Variants in OR4D1 observed in about 807,000 individuals in gnomAD.
OR4D1 encodes olfactory receptor family 4 subfamily D member 1, also known as olfactory receptor 4D1.
OR4D1 carries 10 observed loss-of-function variants against 14.2 expected under a neutral mutation model. That is an observed-to-expected ratio of 0.71 (90% CI 0.44 to 1.20). The LOEUF is 1.20. Ranked by LOEUF, OR4D1 falls within the 50% of genes most tolerant of loss-of-function variation. The probability of loss-of-function intolerance (pLI) is 0.00; values close to 1 mark genes in which losing one functional copy is unlikely to be tolerated. For missense variants in OR4D1, 345 were observed against 376.6 expected (o/e 0.92, Z 0.70); for synonymous variants, 141 against 147.4 (o/e 0.96, Z 0.32).
rs1239876897 is a variant in OR4D1 at position 58,156,031 on chromosome 17, A to G, written c.878A>G (p.Asp293Gly). The G allele has an allele frequency of 6.2e-7, 1 of 1,613,996 alleles. No individual in the cohort carries two copies. Among genetic ancestry groups the G allele is most frequent in the South Asian group, 1.1e-5 (1 of 91,064 alleles). ...ATGATCTACACCCTGAGAAACCAGGACATGAAAGCAGCCATGAGGAGATTA... is the reference window on the plus strand; with the variant it reads ...ATGATCTACACCCTGAGAAACCAGGGCATGAAAGCAGCCATGAGGAGATTA... ...NPMIYTLRNQ[D>G]MKAAMRRLGK... The change falls in exon 4 of 4, where the codon GAC becomes GGC. Residue 293 changes from aspartate (D) to glycine (G), a missense_variant. Physicochemically the swap from Asp to Gly is moderately conservative, Grantham distance 94. Coordinates refer to ENST00000268912, the MANE Select transcript of OR4D1 (RefSeq NM_001386095.1).
Position 58,156,269 on chromosome 17 carries a change from T to TC in OR4D1, c.*183_*184insC. The TC allele has an allele frequency of 1.8e-6, 1 of 544,040 alleles. No homozygotes were observed. 33.7% of individuals were successfully genotyped at this position (544,040 alleles called of 1,614,324 possible). On this transcript the variant is annotated 3_prime_UTR_variant, in exon 4 of 4. Coordinates refer to ENST00000268912, the MANE Select transcript of OR4D1 (RefSeq NM_001386095.1). ...CGCTTTTTTTCTTTTTTTTTTTTTT[T>TC]AGATGGAGCCTTGCTCTGTCACCCA...
chr17:58,150,173 G>A (rs1967683531), intron 2 of OR4D1, among the ~76,000 whole-genome samples: 1 of 152,194 alleles, frequency 6.6e-6, no homozygotes, highest in Admixed American at 6.5e-5. Context: ...AGTGGCAGAT[G>A]GACCTGGAAA....
In OR4D1 at chr17:58,148,401, C is replaced by T. The variant is rs1375439274; in HGVS notation, c.-678C>T. 2 of 152,192 alleles carry T rather than the reference C, an allele frequency of 1.3e-5. No homozygotes were observed. The highest frequency in any genetic ancestry group is 3.8e-4 in the East Asian group (2 of 5,202). The allele number at this position is 152,192 out of a possible 1,614,324, so 9.4% of individuals were successfully genotyped here. On this transcript the variant is annotated 5_prime_UTR_variant, in exon 1 of 4. Transcript: ENST00000268912. ...TAAGTTTTACTCCCCAAGGAATTTC[C>T]CTTTCCTTAAGGCCAATCCCATATG...
chr17:58,155,165 G>C lies in OR4D1; in HGVS notation c.12G>C (p.Gln4His). 6.2e-7 allele frequency: 1 copy of C among 1,610,518 alleles called. No homozygotes were observed. The highest frequency in any genetic ancestry group is 1.1e-5 in the South Asian group (1 of 90,878). The change falls in exon 4 of 4, where the codon CAG becomes CAC. Residue 4 changes from glutamine (Q) to histidine (H), a missense_variant. Physicochemically the swap from Gln to His is conservative, Grantham distance 24. Transcript: ENST00000268912. MEP[Q>H]NTTQVSMFVL... ...TGGGGGAAGATCCTATGGAACCACA[G>C]AACACCACACAGGTATCAATGTTTG... is the stretch of plus-strand genomic sequence containing the variant.
Position 58,157,084 on chromosome 17 carries a change from GGGACGCCGAGGCGGCCGCGGA to G in OR4D1, c.*1002_*1022del. The G allele has an allele frequency of 6.9e-7, 1 of 1,455,992 alleles. No individual in the cohort carries two copies. The highest frequency in any genetic ancestry group is 9.2e-7 in the Non-Finnish European group (1 of 1,092,712). The allele number at this position is 1,455,992 out of a possible 1,614,324, so 90.2% of individuals were successfully genotyped here. ...GCGGTCGGGCCAGGTCCGGGGCCTG[GGGACGCCGAGGCGGCCGCGGA>G]GGAGCGCCGCGTCAAGGTCTCCAGC... On this transcript the variant is annotated 3_prime_UTR_variant, in exon 4 of 4. Transcript: ENST00000268912.
chr17:58,157,111 G>T lies in OR4D1; in HGVS notation c.*1025G>T. 6.8e-7 allele frequency: 1 copy of T among 1,469,800 alleles called. No homozygotes were observed. The highest frequency in any genetic ancestry group is 9.1e-7 in the Non-Finnish European group (1 of 1,104,048). The allele number at this position is 1,469,800 out of a possible 1,614,324, so 91.0% of individuals were successfully genotyped here. On this transcript the variant is annotated 3_prime_UTR_variant, in exon 4 of 4. Transcript: ENST00000268912. Reference sequence around the variant, plus strand: ...GACGCCGAGGCGGCCGCGGAGGAGCGCCGCGTCAAGGTCTCCAGCCTGCCC... The same window carrying T: ...GACGCCGAGGCGGCCGCGGAGGAGCTCCGCGTCAAGGTCTCCAGCCTGCCC...
chr17:58,151,423 TC>T (rs1444895012), intron 2 of OR4D1, among the ~76,000 whole-genome samples: 1 of 152,094 alleles, frequency 6.6e-6, no homozygotes, highest in South Asian at 2.1e-4. Context: ...TCCCCTCGCC[TC>T]CCCCCTGACG....
In OR4D1 at chr17:58,156,067, T is replaced by C. The variant is rs202247369; in HGVS notation, c.914T>C (p.Leu305Pro). Residue 305 changes from leucine to proline, a missense_variant, in exon 4 of 4, where the codon CTA (leucine) becomes CCA (proline). Coordinates refer to ENST00000268912, the MANE Select transcript of OR4D1 (RefSeq NM_001386095.1). ...GCCATGAGGAGATTAGGCAAGTGCC[T>C]AGTAATTTGCAGGGAGTAAACTTTA... Reference protein sequence around the residue: ...KAAMRRLGKCLVICRE With the variant: ...KAAMRRLGKCPVICRE 2.7e-4 allele frequency: 441 copies of C among 1,605,760 alleles called. No individual in the cohort carries two copies. The Middle Eastern group carries it at 3.2e-3, about 11-fold the overall frequency.
Position 58,155,098 on chromosome 17 carries a change from T to G in OR4D1, c.-19-37T>G, listed in dbSNP as rs567406656. 7,907 of 1,299,100 alleles carry G rather than the reference T, an allele frequency of 6.1e-3. 42 individuals are homozygous for G. Among genetic ancestry groups the G allele is most frequent in the Middle Eastern group, 0.022 (113 of 5,248 alleles). The allele number at this position is 1,299,100 out of a possible 1,614,324, so 80.5% of individuals were successfully genotyped here. A position where few individuals can be genotyped will look rare whatever the true frequency, so the allele number is the denominator to read the frequency against. ...AGGAAAATGATTGAATTTTCATTTT[T>G]TTTGTTTGTTTGTTTGTTTCAATGG... On this transcript the variant is annotated intron_variant, in intron 3 of 3. Coordinates refer to ENST00000268912, the MANE Select transcript of OR4D1 (RefSeq NM_001386095.1).
chr17:58,157,131 C>A lies in OR4D1; in HGVS notation c.*1045C>A. 1.4e-6 allele frequency: 2 copies of A among 1,481,070 alleles called. No individual in the cohort carries two copies. The highest frequency in any genetic ancestry group is 1.3e-5 in the South Asian group (1 of 79,526). The allele number at this position is 1,481,070 out of a possible 1,614,324, so 91.7% of individuals were successfully genotyped here. A position where few individuals can be genotyped will look rare whatever the true frequency, so the allele number is the denominator to read the frequency against. The stretch of plus-strand genomic sequence containing the variant: ...GGAGCGCCGCGTCAAGGTCTCCAGC[C>A]TGCCCTACAGTGTGGATGCGCTCGT... On this transcript the variant is annotated 3_prime_UTR_variant, in exon 4 of 4. Transcript: ENST00000268912.
rs1358496589 is a variant in OR4D1 at position 58,154,775 on chromosome 17, GTTTA to G, written c.-19-353_-19-350del. 9.8e-5 allele frequency among the ~76,000 whole-genome samples: 15 copies of G among 152,304 alleles called. No individual in the cohort carries two copies. The East Asian group carries it at 2.7e-3, about 27-fold the overall frequency. ...TGTGGTCACAGGTACTTGCTGATAT[GTTTA>G]TTTATTCACTGATTGATTCAACTAG... On this transcript the variant is annotated intron_variant, in intron 3 of 3. Coordinates refer to ENST00000268912, the MANE Select transcript of OR4D1 (RefSeq NM_001386095.1).
chr17:58,156,712 C>T lies in OR4D1; in HGVS notation c.*626C>T, dbSNP rs1206610749. 5.8e-6 allele frequency: 1 copy of T among 172,198 alleles called. No homozygotes were observed. Among genetic ancestry groups the T allele is most frequent in the African/African-American group, 2.4e-5 (1 of 41,876 alleles). 10.7% of individuals were successfully genotyped at this position (172,198 alleles called of 1,614,324 possible). A position where few individuals can be genotyped will look rare whatever the true frequency, so the allele number is the denominator to read the frequency against. On this transcript the variant is annotated 3_prime_UTR_variant, in exon 4 of 4. Transcript: ENST00000268912. ...GAGCTTGCCCTGGAACCTGGTTCTT[C>T]TTGACTCCAAGTTTAGAGGCAAGAA...
In OR4D1 at chr17:58,157,641, C is replaced by G; in HGVS notation, c.*1555C>G. On this transcript the variant is annotated 3_prime_UTR_variant, in exon 4 of 4. Coordinates refer to ENST00000268912, the MANE Select transcript of OR4D1 (RefSeq NM_001386095.1). ...GAAAAGCTGAAAATGGCTGCAAAAC[C>G]TATGCTACCCTCCAGCTTCAGTCTC... is the stretch of plus-strand genomic sequence containing the variant. 1 of 1,613,824 alleles carries G rather than the reference C, an allele frequency of 6.2e-7. No homozygotes were observed. Among genetic ancestry groups the G allele is most frequent in the Non-Finnish European group, 8.5e-7 (1 of 1,179,862 alleles).
Position 58,157,785 on chromosome 17 carries a change from G to C in OR4D1, c.*1699G>C. On this transcript the variant is annotated 3_prime_UTR_variant, in exon 4 of 4. Transcript: ENST00000268912. Reference sequence around the variant, plus strand: ...CTCTATGCCACGCCAGTGGGATATGGCATGTACCACCTGTCCTAAGGAAGA... The same window carrying C: ...CTCTATGCCACGCCAGTGGGATATGCCATGTACCACCTGTCCTAAGGAAGA... 1 of 1,609,154 alleles carries C rather than the reference G, an allele frequency of 6.2e-7. No individual in the cohort carries two copies.
chr17:58,155,267 C>T lies in OR4D1; in HGVS notation c.114C>T (p.Thr38=), dbSNP rs371002072. The change falls in exon 4 of 4, where the codon ACC becomes ACT. Residue 38 remains threonine (T), a synonymous_variant. Coordinates refer to ENST00000268912, the MANE Select transcript of OR4D1 (RefSeq NM_001386095.1). ...TGTTCCTGTTAGTCTATGTTACCAC[C>T]ATTGTGGGAAACCTCCTTATCATGG... ...FLLFLLVYVT[T]IVGNLLIMVT... is the part of the protein sequence containing the mutation. 4.3e-6 allele frequency: 7 copies of T among 1,613,948 alleles called. No individual in the cohort carries two copies. The highest frequency in any genetic ancestry group is 5.9e-6 in the Non-Finnish European group (7 of 1,179,956).
chr17:58,156,811 A>G lies in OR4D1; in HGVS notation c.*725A>G. 7.7e-6 allele frequency: 2 copies of G among 261,110 alleles called. No homozygotes were observed. The highest frequency in any genetic ancestry group is 1.5e-5 in the Non-Finnish European group (2 of 134,986). The allele number at this position is 261,110 out of a possible 1,614,324, so 16.2% of individuals were successfully genotyped here. Reference sequence around the variant, plus strand: ...AACCTAGAGAGGTCTTCGTCTATAGAGAAGTATCTCTGATGAATGGTCAAC... The same window carrying G: ...AACCTAGAGAGGTCTTCGTCTATAGGGAAGTATCTCTGATGAATGGTCAAC... On this transcript the variant is annotated 3_prime_UTR_variant, in exon 4 of 4. Transcript: ENST00000268912.
At position 58,157,722 on chromosome 17, in the gene OR4D1, C is replaced by T; in HGVS notation, c.*1636C>T. On this transcript the variant is annotated 3_prime_UTR_variant, in exon 4 of 4. Coordinates refer to ENST00000268912, the MANE Select transcript of OR4D1 (RefSeq NM_001386095.1). ...GCGTCCATATACGCAGCATCCTACC[C>T]GTTCCATAGACCTGTGCTTCCCATC... 12 of 1,613,758 alleles carry T rather than the reference C, an allele frequency of 7.4e-6. No individual in the cohort carries two copies. Among genetic ancestry groups the T allele is most frequent in the Non-Finnish European group, 1.0e-5 (12 of 1,179,746 alleles).
chr17:58,155,449 C>T lies in OR4D1; in HGVS notation c.296C>T (p.Ala99Val), dbSNP rs1276940653. The change falls in exon 4 of 4, where the codon GCC becomes GTC. Residue 99 changes from alanine (A) to valine (V), a missense_variant. Physicochemically the swap from Ala to Val is moderately conservative, Grantham distance 64. Coordinates refer to ENST00000268912, the MANE Select transcript of OR4D1 (RefSeq NM_001386095.1). Reference protein sequence around the residue: ...TKTISYQGCMAQIFFFHLLGG... With the variant: ...TKTISYQGCMVQIFFFHLLGG... ...ACGATCTCCTACCAGGGCTGCATGG[C>T]CCAGATCTTCTTCTTCCACCTTTTG... 6.2e-7 allele frequency: 1 copy of T among 1,614,198 alleles called. No individual in the cohort carries two copies. The highest frequency in any genetic ancestry group is 8.5e-7 in the Non-Finnish European group (1 of 1,180,030).
chr17:58,155,637 C>G lies in OR4D1; in HGVS notation c.484C>G (p.Leu162Val). 1.2e-6 allele frequency: 2 copies of G among 1,614,186 alleles called. No individual in the cohort carries two copies. Among genetic ancestry groups the G allele is most frequent in the Non-Finnish European group, 1.7e-6 (2 of 1,180,014 alleles). ...GFVHSIVQLA[L>V]ILPLPFCGPN... ...TGTCCACTCCATTGTCCAACTGGCT[C>G]TGATACTTCCACTGCCCTTCTGTGG... Residue 162 changes from leucine (L) to valine (V), a missense_variant, in exon 4 of 4, where the codon CTG (leucine) becomes GTG (valine). Coordinates refer to ENST00000268912, the MANE Select transcript of OR4D1 (RefSeq NM_001386095.1).
Sources: gnomAD v4.1 joint callset for allele counts (sites outside exome capture counted in the v4.1 genomes callset) on GRCh38, gnomAD v4.1.1 for gene constraint, MANE v1.5 for transcripts, NCBI Gene and HGNC (gene_info 2026-07-23, HGNC 2026-07-21) for gene names.